DLG2: variants seen among roughly 807,000 people sequenced by gnomAD.
DLG2 encodes disks large homolog 2.
Under a neutral mutation model 132.5 loss-of-function variants are expected in DLG2, and 45 were observed. The ratio of observed to expected loss-of-function variants is 0.34; its 90% CI spans 0.27 to 0.44. The LOEUF (loss-of-function observed/expected upper bound fraction) is 0.44. DLG2 is among the 20% of genes least tolerant of loss of function. The pLI, the probability that DLG2 is intolerant of heterozygous loss-of-function variation, is 1.00. For synonymous variants in DLG2, 424 were observed against 419.6 expected (o/e 1.01, Z -0.13); for missense variants, 1,045 against 1,196.9 (o/e 0.87, Z 1.87).
chr11:83,547,911 G>A (rs2096280254), intron 19 of DLG2, among the ~76,000 whole-genome samples: 1 of 152,160 alleles, frequency 6.6e-6, no homozygotes, highest in Non-Finnish European at 1.5e-5. Context: ...CTAGAAGAAT[G>A]TTGAGGAACA....
intron 18 of DLG2, among the ~76,000 whole-genome samples, chr11:83,783,616 C>A (rs182752754): frequency 9.1e-4 from 138 of 152,150 alleles, no homozygotes; most frequent in Non-Finnish European, 1.7e-3. Context: ...TTAAGAAATA[C>A]CAAGTAGGAC....
chr11:83,582,104 G>A (rs1423058598), intron 19 of DLG2, among the ~76,000 whole-genome samples: 6 of 151,892 alleles, frequency 4.0e-5, no homozygotes, highest in Non-Finnish European at 5.9e-5. Context: ...TTACAGGCAA[G>A]CGCCATCACA....
At chr11:83,873,483 C>T (rs925576310) in intron 16 of DLG2, among the ~76,000 whole-genome samples, 3 of 152,080 alleles carry the variant, frequency 2.0e-5, no homozygotes, top group African/African-American at 4.8e-5. Flanking sequence ...CTTATAAAAC[C>T]TTGGCTCTCA....
intron 7 of DLG2, among the ~76,000 whole-genome samples, chr11:84,347,353 T>C (rs1003075595): frequency 6.6e-6 from 1 of 152,258 alleles, no homozygotes; most frequent in African/African-American, 2.4e-5. Context: ...TTTCCATTGC[T>C]GACCAGTTCT....
At chr11:85,030,152 A>G (rs1179264242) in intron 6 of DLG2, among the ~76,000 whole-genome samples, 2 of 152,248 alleles carry the variant, frequency 1.3e-5, no homozygotes, top group Non-Finnish European at 2.9e-5. Flanking sequence ...TAATTCAGCT[A>G]AAGTTTTACT....
intron 11 of DLG2, among the ~76,000 whole-genome samples, chr11:84,002,798 T>C (rs2094416600): frequency 6.6e-6 from 1 of 152,172 alleles, no homozygotes; most frequent in Non-Finnish European, 1.5e-5. Flanking sequence ...TGATTAACGT[T>C]GGTTCCTTGT....
chr11:84,800,166 C>T (rs2075195597), intron 6 of DLG2, among the ~76,000 whole-genome samples: 2 of 152,250 alleles, frequency 1.3e-5, no homozygotes, highest in South Asian at 2.1e-4. Context: ...ACCCAATACA[C>T]AGCAACATAA....
intron 3 of DLG2, among the ~76,000 whole-genome samples, chr11:85,420,916 G>A (rs2090249790): frequency 6.6e-6 from 1 of 152,192 alleles, no homozygotes; most frequent in African/African-American, 2.4e-5. Context: ...TGGCTTCCTG[G>A]CTTCAGCCCC....
chr11:85,191,579 C>CAAT (rs547168579), intron 4 of DLG2, among the ~76,000 whole-genome samples: 259 of 152,316 alleles, frequency 1.7e-3, no homozygotes, highest in African/African-American at 6.0e-3. Context: ...CAGGGTATGG[C>CAAT]AATGGCTTTC....
chr11:85,181,759 T>A (rs1447450649), intron 4 of DLG2, among the ~76,000 whole-genome samples: 1 of 151,738 alleles, frequency 6.6e-6, no homozygotes, highest in African/African-American at 2.4e-5. Flanking sequence ...AATATTGTTT[T>A]CCAGTAGATA....
chr11:85,291,610 A>T, intron 3 of DLG2, among the ~76,000 whole-genome samples: 1 of 147,704 alleles, frequency 6.8e-6, no homozygotes, highest in African/African-American at 2.5e-5. Flanking sequence ...TTTAAGACAG[A>T]GTCTTGCTCT....
Position 84,352,836 on chromosome 11 carries a change from G to C in DLG2, c.520-101545C>G, listed in dbSNP as rs558211389. 3.9e-5 allele frequency among the ~76,000 whole-genome samples: 6 copies of C among 152,196 alleles called. No homozygotes were observed. In the South Asian group the frequency reaches 1.2e-3, roughly 32 times the overall value. ...TTGTAAAAATGAATGGCAGACAGTG[G>C]GTGCTCACAAATTATCTTTATTTTT... On this transcript the variant is annotated intron_variant, in intron 7 of 27. Transcript: ENST00000376104.
chr11:84,875,860 C>T (rs1021389461), intron 6 of DLG2, among the ~76,000 whole-genome samples: 1 of 152,106 alleles, frequency 6.6e-6, no homozygotes, highest in African/African-American at 2.4e-5. Context: ...GCCTCAGCCT[C>T]CTGAGTAACG....
rs59676725 is a variant in DLG2, at chr11:85,559,818, T to TGATAGATAGATA, written c.40+38827_40+38838dup. Among the ~76,000 whole-genome samples the TGATAGATAGATA allele has an allele frequency of 6.2e-3, 896 of 144,434 alleles. 3 individuals are homozygous for TGATAGATAGATA. Among genetic ancestry groups the TGATAGATAGATA allele is most frequent in the East Asian group, 0.011 (54 of 4,960 alleles). The allele number at this position is 144,434 out of a possible 152,430, so 94.8% of individuals were successfully genotyped here. A position where few individuals can be genotyped will look rare whatever the true frequency, so the allele number is the denominator to read the frequency against. On this transcript the variant is annotated intron_variant, in intron 3 of 27. Coordinates refer to ENST00000376104, the MANE Select transcript of DLG2 (RefSeq NM_001142699.3). ...GATAGATGGTGATTAGTTAGATGAT[T>TGATAGATAGATA]GATAGATAGATAGATAGATAGATAG...
At chr11:84,944,239 C>T (rs56030411) in intron 6 of DLG2, among the ~76,000 whole-genome samples, 17,511 of 152,162 alleles carry the variant, frequency 0.12, 1,235 homozygotes, top group African/African-American at 0.14. Flanking sequence ...TGGTGTTCTA[C>T]AACCTTCTTG....
chr11:84,795,582 A>G (rs2074478834), intron 6 of DLG2, among the ~76,000 whole-genome samples: 2 of 152,146 alleles, frequency 1.3e-5, no homozygotes. Flanking sequence ...GTACCTAGAC[A>G]GGGGACAAGA....
intron 19 of DLG2, among the ~76,000 whole-genome samples, chr11:83,619,310 A>G (rs1038285008): frequency 7.9e-5 from 12 of 152,248 alleles, no homozygotes; most frequent in African/African-American, 2.4e-4. Flanking sequence ...CCCAAAACTT[A>G]TAGAACTTGC....
intron 19 of DLG2, among the ~76,000 whole-genome samples, chr11:83,623,491 C>T (rs186617325): frequency 1.3e-5 from 2 of 152,272 alleles, no homozygotes; most frequent in African/African-American, 2.4e-5. Flanking sequence ...TCTCCATCTT[C>T]GAGATACTCA....
At position 85,319,442 on chromosome 11, in the gene DLG2, A is replaced by G. The variant is rs200889457; in HGVS notation, c.41-34077T>C. On this transcript the variant is annotated intron_variant, in intron 3 of 27. Coordinates refer to ENST00000376104, the MANE Select transcript of DLG2 (RefSeq NM_001142699.3). ...TTTCTCTACTGCTTTGTAATAGCATAAATATTTATTCACTAAATTCTAGAA... is the reference window on the plus strand; with the variant it reads ...TTTCTCTACTGCTTTGTAATAGCATGAATATTTATTCACTAAATTCTAGAA... Among the ~76,000 whole-genome samples the G allele has an allele frequency of 7.2e-5, 11 of 151,978 alleles. No individual in the cohort carries two copies. The East Asian group carries it at 1.9e-3, about 27-fold the overall frequency.
Sources: allele counts gnomAD v4.1 joint callset (sites outside exome capture counted in the v4.1 genomes callset), GRCh38; gene constraint gnomAD v4.1.1; transcripts MANE v1.5; gene names NCBI Gene and HGNC (gene_info 2026-07-23, HGNC 2026-07-21).